The following NCAM2 variants were observed in gnomAD, a reference collection of about 807,000 sequenced individuals.
The protein encoded by NCAM2 is neural cell adhesion molecule 2.
Under a neutral mutation model 98.1 loss-of-function variants are expected in NCAM2, and 30 were observed. The ratio of observed to expected loss-of-function variants is 0.31; its 90% CI spans 0.23 to 0.41. The LOEUF (loss-of-function observed/expected upper bound fraction) is 0.41. Among genes scored for constraint, NCAM2 ranks in the 10% least tolerant of loss-of-function variants. NCAM2 has a pLI of 1.00. For synonymous variants in NCAM2, 368 were observed against 342.4 expected (o/e 1.07, Z -0.83); for missense variants, 867 against 1,005.8 (o/e 0.86, Z 1.87).
chr21:21,228,949 C>A (rs1313026835), intron 1 of NCAM2, among the ~76,000 whole-genome samples: 1 of 151,318 alleles, frequency 6.6e-6, no homozygotes, highest in Non-Finnish European at 1.5e-5. Flanking sequence ...AAACATAAAA[C>A]AAGTAATTTC....
At chr21:21,492,088 C>T (rs947514950) in intron 15 of NCAM2, among the ~76,000 whole-genome samples, 2 of 151,536 alleles carry the variant, frequency 1.3e-5, no homozygotes, top group African/African-American at 4.8e-5. Flanking sequence ...TGTGAAGAAA[C>T]TAAAGAGATT....
At chr21:21,042,054 C>T (rs1331660340) in intron 1 of NCAM2, among the ~76,000 whole-genome samples, 1 of 152,128 alleles carries the variant, frequency 6.6e-6, no homozygotes, top group Non-Finnish European at 1.5e-5. Flanking sequence ...TGTTTCTTCT[C>T]AAACTATAAC....
intron 16 of NCAM2, among the ~76,000 whole-genome samples, chr21:21,528,794 A>G (rs549862143): frequency 6.6e-6 from 1 of 152,280 alleles, no homozygotes; most frequent in East Asian, 1.9e-4. Flanking sequence ...ACTGGCTATT[A>G]TACTGAATTA....
At chr21:21,147,695 C>CA (rs1726013025) in intron 1 of NCAM2, among the ~76,000 whole-genome samples, 1 of 135,694 alleles carries the variant, frequency 7.4e-6, no homozygotes, top group Non-Finnish European at 1.7e-5. Context: ...ACACATACAT[C>CA]AAAAACATAC....
chr21:21,199,132 G>A (rs2069117394), intron 1 of NCAM2, among the ~76,000 whole-genome samples: 1 of 152,084 alleles, frequency 6.6e-6, no homozygotes, highest in Non-Finnish European at 1.5e-5. Flanking sequence ...TATAGTTTGT[G>A]GAAAGAGTCA....
intron 1 of NCAM2, among the ~76,000 whole-genome samples, chr21:21,219,426 G>A (rs1025700887): frequency 3.9e-5 from 6 of 152,264 alleles, no homozygotes; most frequent in African/African-American, 9.6e-5. Flanking sequence ...CATGGACTGC[G>A]TATATGATGG....
intron 13 of NCAM2, 137 bp from the exon 14 acceptor site, chr21:21,468,525 C>A: frequency 1.3e-6 from 1 of 782,124 alleles, no homozygotes; most frequent in South Asian, 3.6e-5. Flanking sequence ...AATTATATCA[C>A]AAAAGGGCAA....
chr21:21,155,519 G>C (rs778451596), intron 1 of NCAM2, among the ~76,000 whole-genome samples: 1 of 151,612 alleles, frequency 6.6e-6, no homozygotes, highest in South Asian at 2.1e-4. Context: ...ACTATGACTA[G>C]CATAGTACTT....
rs544692531 is a variant in NCAM2, at chr21:21,337,567, T to C, written c.899-822T>C. 1.2e-4 allele frequency among the ~76,000 whole-genome samples: 19 copies of C among 152,104 alleles called. No individual in the cohort carries two copies. The South Asian group carries it at 2.3e-3, about 18-fold the overall frequency. On this transcript the variant is annotated intron_variant, in intron 7 of 17. Transcript: ENST00000400546. ...TAAAAAGTAACTCACACTGAAATAA[T>C]GAGTACTTGATTGTATCCATTTTAT...
At chr21:21,288,660 CTT>C (rs754182958) in intron 4 of NCAM2, among the ~76,000 whole-genome samples, 38 of 151,812 alleles carry the variant, frequency 2.5e-4, no homozygotes, top group Admixed American at 1.6e-3. Flanking sequence ...TTATAATAGA[CTT>C]ATATGAAATA....
Position 21,542,099 on chromosome 21 carries a change from T to G in NCAM2, c.*4142T>G, listed in dbSNP as rs988353838. The G allele has an allele frequency of 1.3e-5, 2 of 151,892 alleles. No homozygotes were observed. The highest frequency in any genetic ancestry group is 4.8e-5 in the African/African-American group (2 of 41,426). The allele number at this position is 151,892 out of a possible 1,614,324, so 9.4% of individuals were successfully genotyped here. On this transcript the variant is annotated 3_prime_UTR_variant, in exon 18 of 18. Coordinates refer to ENST00000400546, the MANE Select transcript of NCAM2 (RefSeq NM_004540.5). ...AAGGTAAAATTTTCAAGAAAGTATTTTATTCATGGACTTAATAATGTCTTA... is the reference window on the plus strand; with the variant it reads ...AAGGTAAAATTTTCAAGAAAGTATTGTATTCATGGACTTAATAATGTCTTA...
intron 14 of NCAM2, among the ~76,000 whole-genome samples, chr21:21,472,894 G>A (rs933581554): frequency 2.0e-4 from 31 of 151,392 alleles, no homozygotes; most frequent in Non-Finnish European, 3.8e-4. Context: ...CATGGAAAAA[G>A]AGATTTAAAT....
intron 1 of NCAM2, among the ~76,000 whole-genome samples, chr21:21,019,681 G>A (rs956476770): frequency 6.6e-6 from 1 of 151,968 alleles, no homozygotes; most frequent in Admixed American, 6.6e-5. Flanking sequence ...AATATTCAAA[G>A]AAAATTTGGA....
chr21:21,158,182 G>A (rs1035086332), intron 1 of NCAM2, among the ~76,000 whole-genome samples: 2 of 152,156 alleles, frequency 1.3e-5, no homozygotes, highest in African/African-American at 4.8e-5. Context: ...GGAATATAGT[G>A]TGTACTGAAT....
chr21:21,274,435 A>T (rs2072644935), intron 1 of NCAM2, among the ~76,000 whole-genome samples: 1 of 152,220 alleles, frequency 6.6e-6, no homozygotes, highest in Admixed American at 6.5e-5. Context: ...TAAGTGATCC[A>T]AAATTTCTGA....
At chr21:21,414,488 T>TTTTTA (rs2076948826) in intron 10 of NCAM2, among the ~76,000 whole-genome samples, 1 of 150,528 alleles carries the variant, frequency 6.6e-6, no homozygotes, top group African/African-American at 2.4e-5. Context: ...TTTTTTTTTT[T>TTTTTA]GAGAGGGAGT....
At chr21:21,000,352 G>A (rs1238229899) in intron 1 of NCAM2, among the ~76,000 whole-genome samples, 1 of 152,184 alleles carries the variant, frequency 6.6e-6, no homozygotes, top group Non-Finnish European at 1.5e-5. Flanking sequence ...ATTACATTGT[G>A]AGTGGTTTGG....
intron 1 of NCAM2, among the ~76,000 whole-genome samples, 188 bp downstream of exon 1, chr21:20,998,806 TTAAA>T (rs2063967022): frequency 6.6e-6 from 1 of 152,192 alleles, no homozygotes; most frequent in Non-Finnish European, 1.5e-5. Flanking sequence ...GTGGAGACCC[TTAAA>T]TAAGAGAAGG....
intron 1 of NCAM2, among the ~76,000 whole-genome samples, chr21:21,152,814 A>G (rs890340820): frequency 6.6e-6 from 1 of 151,918 alleles, no homozygotes; most frequent in African/African-American, 2.4e-5. Context: ...GTATTCAACT[A>G]CAGACTCAAT....
Sources: allele counts gnomAD v4.1 joint callset (sites outside exome capture counted in the v4.1 genomes callset), GRCh38; gene constraint gnomAD v4.1.1; transcripts MANE v1.5; gene names NCBI Gene and HGNC (gene_info 2026-07-23, HGNC 2026-07-21).